SLC22A3: variants seen among roughly 807,000 people sequenced by gnomAD.
SLC22A3 encodes solute carrier family 22 member 3.
SLC22A3 carries 51 observed loss-of-function variants against 59.1 expected under a neutral mutation model. The observed-to-expected ratio is 0.86, with a 90% CI of 0.69 to 1.09. The LOEUF is 1.09. SLC22A3 is among the 50% of genes least tolerant of loss of function. The pLI is 0.00. For synonymous variants in SLC22A3, 325 were observed against 292.0 expected (o/e 1.11, Z -1.15); for missense variants, 711 against 726.3 (o/e 0.98, Z 0.24).
chr6:160,407,473 C>T (rs1173237017), intron 3 of SLC22A3, among the ~76,000 whole-genome samples: 1 of 152,144 alleles, frequency 6.6e-6, no homozygotes, highest in African/African-American at 2.4e-5. Flanking sequence ...AATATGGTTT[C>T]TAGCTTTGCT....
intron 1 of SLC22A3, among the ~76,000 whole-genome samples, chr6:160,391,208 G>A (rs1357104014): frequency 6.6e-6 from 1 of 150,932 alleles, no homozygotes; most frequent in South Asian, 2.1e-4. Flanking sequence ...GGGGAAGCCA[G>A]TCCTATAAAA....
intron 1 of SLC22A3, among the ~76,000 whole-genome samples, chr6:160,367,263 G>C (rs889219478): frequency 1.3e-5 from 2 of 152,070 alleles, no homozygotes; most frequent in Non-Finnish European, 2.9e-5. Flanking sequence ...TGAGCAGAAG[G>C]GGGAAAAGCT....
intron 1 of SLC22A3, among the ~76,000 whole-genome samples, chr6:160,396,593 A>C (rs1786481240): frequency 6.6e-6 from 1 of 152,156 alleles, no homozygotes; most frequent in African/African-American, 2.4e-5. Flanking sequence ...AAATAGAATT[A>C]ATTTTGAGCC....
At position 160,433,335 on chromosome 6, in the gene SLC22A3, C is replaced by T. The variant is rs548582456; in HGVS notation, c.976-3445C>T. Among the ~76,000 whole-genome samples the T allele has an allele frequency of 2.0e-5, 3 of 152,252 alleles. No individual in the cohort carries two copies. The East Asian group carries it at 5.8e-4, about 29-fold the overall frequency. On this transcript the variant is annotated intron_variant, in intron 5 of 10. Transcript: ENST00000275300. Reference sequence around the variant, plus strand: ...AGCAAGAGATGCTCCTTTATTTTATCACTTAAAAACAGTGAAGAATCATGA... The same window carrying T: ...AGCAAGAGATGCTCCTTTATTTTATTACTTAAAAACAGTGAAGAATCATGA...
At chr6:160,359,889 G>T (rs920405073) in intron 1 of SLC22A3, among the ~76,000 whole-genome samples, 1 of 152,172 alleles carries the variant, frequency 6.6e-6, no homozygotes, top group African/African-American at 2.4e-5. Flanking sequence ...TGTAAACAGA[G>T]TCCAAGAAAA....
chr6:160,400,655 AACACACAC>A (rs55746106), intron 2 of SLC22A3, among the ~76,000 whole-genome samples: 10 of 149,262 alleles, frequency 6.7e-5, no homozygotes, highest in African/African-American at 2.5e-4. Flanking sequence ...TAAAAGCCAA[AACACACAC>A]ACACACACAC....
At chr6:160,368,752 G>A (rs1006551855) in intron 1 of SLC22A3, among the ~76,000 whole-genome samples, 3 of 152,172 alleles carry the variant, frequency 2.0e-5, no homozygotes, top group African/African-American at 7.2e-5. Context: ...AGTGTCAGCT[G>A]TGCAAAAGCC....
rs1449480417 is a variant in SLC22A3 at position 160,450,918 on chromosome 6, C to T, written c.1611-78C>T. ...ATGTATTTGATCAAAACCAGCTATACTATTAAATAATAACAGAACACCCTC... is the reference window on the plus strand; with the variant it reads ...ATGTATTTGATCAAAACCAGCTATATTATTAAATAATAACAGAACACCCTC... On this transcript the variant is annotated intron_variant, in intron 10 of 10. Transcript: ENST00000275300. 4.5e-6 allele frequency: 6 copies of T among 1,320,508 alleles called. No homozygotes were observed. The East Asian group carries it at 7.6e-5, about 17-fold the overall frequency. The allele number at this position is 1,320,508 out of a possible 1,614,324, so 81.8% of individuals were successfully genotyped here.
At chr6:160,368,264 A>C (rs402219) in intron 1 of SLC22A3, among the ~76,000 whole-genome samples, 1 of 151,846 alleles carries the variant, frequency 6.6e-6, no homozygotes, top group African/African-American at 2.4e-5. Context: ...CAACTTCTCT[A>C]TCTCTGCTCC....
rs1449216598 is a variant in SLC22A3 at position 160,451,102 on chromosome 6, C to T, written c.*46C>T. On this transcript the variant is annotated 3_prime_UTR_variant, in exon 11 of 11. Transcript: ENST00000275300. ...AGAAGGAGCTATCCAGGAGCTGATCCTCCTTGCAAAGCTGTGCCTTGCAGA... is the reference window on the plus strand; with the variant it reads ...AGAAGGAGCTATCCAGGAGCTGATCTTCCTTGCAAAGCTGTGCCTTGCAGA... The T allele has an allele frequency of 4.5e-6, 7 of 1,550,498 alleles. 1 individual carries two copies. In the South Asian group the frequency reaches 7.1e-5, roughly 16 times the overall value.
intron 1 of SLC22A3, among the ~76,000 whole-genome samples, chr6:160,357,812 G>T (rs1360589246): frequency 6.6e-6 from 1 of 152,160 alleles, no homozygotes; most frequent in Non-Finnish European, 1.5e-5. Context: ...ATAAATAAAT[G>T]TCCAAGTTAT....
intron 5 of SLC22A3, among the ~76,000 whole-genome samples, chr6:160,413,155 G>A (rs1446854588): frequency 1.3e-5 from 2 of 152,174 alleles, no homozygotes; most frequent in East Asian, 1.9e-4. Flanking sequence ...TGATGATAGT[G>A]AGTATCACTG....
At chr6:160,433,263 C>T (rs1046293780) in intron 5 of SLC22A3, among the ~76,000 whole-genome samples, 1 of 152,160 alleles carries the variant, frequency 6.6e-6, no homozygotes, top group Non-Finnish European at 1.5e-5. Context: ...CATTGAGTGA[C>T]TGGAGATCTG....
chr6:160,418,094 T>A (rs986352038), intron 5 of SLC22A3, among the ~76,000 whole-genome samples: 2 of 152,184 alleles, frequency 1.3e-5, no homozygotes, highest in African/African-American at 4.8e-5. Context: ...TCTGGGCGTG[T>A]CTAGGAGGGT....
intron 5 of SLC22A3, among the ~76,000 whole-genome samples, chr6:160,431,222 C>T (rs551184227): frequency 2.0e-5 from 3 of 152,190 alleles, no homozygotes; most frequent in Admixed American, 1.3e-4. Flanking sequence ...AATTTAGTAA[C>T]CCTTTGGCAA....
intron 7 of SLC22A3, 55 bp from the exon 8 acceptor site, chr6:160,442,706 A>G (rs1447769094): frequency 9.9e-6 from 13 of 1,307,144 alleles, no homozygotes; most frequent in Non-Finnish European, 1.3e-5. Context: ...GTTCTGTAAA[A>G]TGTTAATGAA....
intron 2 of SLC22A3, among the ~76,000 whole-genome samples, chr6:160,405,514 C>T (rs1260092896): frequency 1.3e-5 from 2 of 152,066 alleles, no homozygotes; most frequent in Non-Finnish European, 2.9e-5. Flanking sequence ...TTTTGTAATT[C>T]TTACAAAATT....
chr6:160,436,671 C>A, intron 5 of SLC22A3, 109 bp from the exon 6 acceptor site: 1 of 714,486 alleles, frequency 1.4e-6, no homozygotes, highest in East Asian at 2.7e-5. Context: ...TTATGAAAGC[C>A]CCTAGTCACT....
intron 5 of SLC22A3, among the ~76,000 whole-genome samples, chr6:160,433,505 A>G (rs1481546298): frequency 7.8e-6 from 1 of 128,488 alleles, no homozygotes; most frequent in East Asian, 2.5e-4. Context: ...CAACACAGCA[A>G]GACCCTGTCT....
Sources: allele counts gnomAD v4.1 joint callset (sites outside exome capture counted in the v4.1 genomes callset), GRCh38; gene constraint gnomAD v4.1.1; transcripts MANE v1.5; gene names NCBI Gene and HGNC (gene_info 2026-07-23, HGNC 2026-07-21).